Variants in GASK1B observed in about 807,000 individuals in gnomAD.
The protein encoded by GASK1B is Golgi-associated kinase 1B.
In GASK1B, 34 loss-of-function variants were observed where a neutral mutation model predicts 42.8. That is an observed-to-expected ratio of 0.79 (90% CI 0.60 to 1.06). GASK1B has a LOEUF of 1.06. Ranked by LOEUF, GASK1B falls within the 50% of genes least tolerant of loss-of-function variation. The pLI is 0.00. For synonymous variants in GASK1B, 262 were observed against 259.1 expected (o/e 1.01, Z -0.11); for missense variants, 686 against 661.0 (o/e 1.04, Z -0.42).
chr4:158,141,001 TTATAAA>T (rs1173552766), intron 3 of GASK1B, among the ~76,000 whole-genome samples: 2 of 152,228 alleles, frequency 1.3e-5, no homozygotes, highest in Non-Finnish European at 2.9e-5. Context: ...CAATTTGAAA[TTATAAA>T]TATAACATAT....
intron 4 of GASK1B, among the ~76,000 whole-genome samples, chr4:158,129,250 GGAC>G (rs1156462553): frequency 6.6e-6 from 1 of 152,158 alleles, no homozygotes; most frequent in East Asian, 1.9e-4. Flanking sequence ...TGAAATGGAT[GGAC>G]TGTATTCTTC....
At chr4:158,157,766 A>G (rs1280877419) in intron 2 of GASK1B, among the ~76,000 whole-genome samples, 19 of 152,124 alleles carry the variant, frequency 1.2e-4, no homozygotes, top group Admixed American at 1.2e-3. Context: ...CCTTTGGAGA[A>G]ATATGGAAAT....
At chr4:158,168,098 A>T (rs1012832571) in intron 2 of GASK1B, among the ~76,000 whole-genome samples, 1 of 152,198 alleles carries the variant, frequency 6.6e-6, no homozygotes, top group Non-Finnish European at 1.5e-5. Context: ...AACTGGCCTG[A>T]CTTTGTGACT....
At chr4:158,169,497 G>A (rs150707560) in intron 2 of GASK1B, 1 of 152,332 alleles carries the variant, frequency 6.6e-6, no homozygotes, top group African/African-American at 2.4e-5. Flanking sequence ...TTCCATTCTA[G>A]GCTCCCTGGG....
intron 3 of GASK1B, among the ~76,000 whole-genome samples, chr4:158,152,305 A>G (rs1202541736): frequency 6.6e-6 from 1 of 152,106 alleles, no homozygotes; most frequent in Non-Finnish European, 1.5e-5. Context: ...TATACATCAA[A>G]CGTATTAGTT....
In GASK1B at chr4:158,170,797, T is replaced by C. The variant is rs1356299561; in HGVS notation, c.579A>G (p.Pro193=). The part of the protein sequence containing the change: ...VRGPGVRAGG[P]DFLQPSSRES... Reference sequence around the variant, plus strand: ...CCCTGGAGCTGGGCTGCAGGAAGTCTGGGCCCCCGGCTCGCACTCCCGGAC... The same window carrying C: ...CCCTGGAGCTGGGCTGCAGGAAGTCCGGGCCCCCGGCTCGCACTCCCGGAC... The change falls in exon 2 of 5, where the codon CCA becomes CCG. Residue 193 remains proline, a synonymous_variant. Transcript: ENST00000585682. The C allele has an allele frequency of 6.2e-7, 1 of 1,614,090 alleles. No homozygotes were observed. The highest frequency in any genetic ancestry group is 8.5e-7 in the Non-Finnish European group (1 of 1,180,032).
intron 3 of GASK1B, among the ~76,000 whole-genome samples, chr4:158,135,759 A>C (rs776039595): frequency 2.0e-5 from 3 of 152,138 alleles, no homozygotes; most frequent in Non-Finnish European, 4.4e-5. Context: ...TTAGTTATAA[A>C]GGTTTCGTCA....
chr4:158,156,298 G>A (rs549748771), intron 2 of GASK1B, among the ~76,000 whole-genome samples: 17 of 152,246 alleles, frequency 1.1e-4, no homozygotes, highest in African/African-American at 4.1e-4. Context: ...TTTAGAAGTC[G>A]CAAATTTAAA....
At chr4:158,162,545 G>T (rs938529887) in intron 2 of GASK1B, among the ~76,000 whole-genome samples, 12 of 152,306 alleles carry the variant, frequency 7.9e-5, no homozygotes, top group African/African-American at 2.9e-4. Flanking sequence ...CACTCAATAC[G>T]AATTGGGAAG....
intron 3 of GASK1B, among the ~76,000 whole-genome samples, chr4:158,135,144 A>G (rs1346634052): frequency 6.6e-6 from 1 of 151,876 alleles, no homozygotes; most frequent in East Asian, 1.9e-4. Flanking sequence ...CAGCCTGGCC[A>G]ACATGGTGAA....
intron 2 of GASK1B, among the ~76,000 whole-genome samples, chr4:158,157,203 G>A (rs115423836): frequency 1.5e-3 from 235 of 152,178 alleles, no homozygotes; most frequent in African/African-American, 5.4e-3. Context: ...TTGCAATGTA[G>A]GCCAGGGCAT....
chr4:158,167,985 G>A (rs1732292548), intron 2 of GASK1B, among the ~76,000 whole-genome samples: 1 of 152,078 alleles, frequency 6.6e-6, no homozygotes, highest in Non-Finnish European at 1.5e-5. Context: ...ACCAGAAGTG[G>A]TCTATTTATG....
chr4:158,130,711 A>T, intron 4 of GASK1B, 75 bp downstream of exon 4: 1 of 1,077,230 alleles, frequency 9.3e-7, no homozygotes, highest in Non-Finnish European at 1.4e-6. Flanking sequence ...CAGATGTAAG[A>T]TGTGAGTTTT....
intron 2 of GASK1B, among the ~76,000 whole-genome samples, chr4:158,165,250 C>T (rs1732183433): frequency 6.6e-6 from 1 of 152,162 alleles, no homozygotes; most frequent in Non-Finnish European, 1.5e-5. Flanking sequence ...CAGAACGGTG[C>T]TTGGTTTTCT....
chr4:158,163,862 C>A (rs1338845481), intron 2 of GASK1B, among the ~76,000 whole-genome samples: 2 of 152,186 alleles, frequency 1.3e-5, no homozygotes, highest in Non-Finnish European at 2.9e-5. Context: ...CCACTTTTCC[C>A]TAGTATCCGG....
intron 3 of GASK1B, among the ~76,000 whole-genome samples, chr4:158,132,655 T>C (rs1236106747): frequency 6.6e-6 from 1 of 152,196 alleles, no homozygotes; most frequent in Non-Finnish European, 1.5e-5. Flanking sequence ...GTAAGAGAAG[T>C]TAGCATAAGC....
At chr4:158,132,017 A>G (rs1446310107) in intron 3 of GASK1B, among the ~76,000 whole-genome samples, 4 of 152,228 alleles carry the variant, frequency 2.6e-5, no homozygotes, top group Non-Finnish European at 5.9e-5. Flanking sequence ...AAAGTTATTT[A>G]TCTCAAAACA....
At chr4:158,170,134 C>A in intron 2 of GASK1B, 1 of 1,194,064 alleles carries the variant, frequency 8.4e-7, no homozygotes, top group Non-Finnish European at 1.2e-6. Flanking sequence ...TGCCTCCAGC[C>A]TAGCTTCCTC....
At chr4:158,138,225 A>G (rs1560779045) in intron 3 of GASK1B, among the ~76,000 whole-genome samples, 1 of 152,226 alleles carries the variant, frequency 6.6e-6, no homozygotes, top group African/African-American at 2.4e-5. Flanking sequence ...TGGAGTCACC[A>G]GGCAAGCAAC....
Sources: allele counts gnomAD v4.1 joint callset (sites outside exome capture counted in the v4.1 genomes callset), GRCh38; gene constraint gnomAD v4.1.1; transcripts MANE v1.5; gene names NCBI Gene and HGNC (gene_info 2026-07-23, HGNC 2026-07-21).